NLGN1: variants seen among roughly 807,000 people sequenced by gnomAD.
NLGN1 encodes the protein neuroligin-1.
Under a neutral mutation model 65.5 loss-of-function variants are expected in NLGN1, and 12 were observed. That is an observed-to-expected ratio of 0.18 (90% confidence interval 0.12 to 0.30). The LOEUF is 0.30. NLGN1 is among the 10% of genes least tolerant of loss of function. The pLI is 1.00. For synonymous variants in NLGN1, 350 were observed against 359.5 expected (o/e 0.97, Z 0.30); for missense variants, 750 against 1,007.1 (o/e 0.74, Z 3.46).
At chr3:174,271,370 TA>T (rs1327695794) in intron 4 of NLGN1, among the ~76,000 whole-genome samples, 2 of 151,720 alleles carry the variant, frequency 1.3e-5, no homozygotes, top group Admixed American at 1.3e-4. Flanking sequence ...GACCTAAGTA[TA>T]AATTGAGTCA....
chr3:174,115,320 T>G lies in NLGN1; in HGVS notation c.647-159995T>G, dbSNP rs192640920. 1.1e-3 allele frequency among the ~76,000 whole-genome samples: 163 copies of G among 152,272 alleles called. 1 individual carries two copies. The highest frequency in any genetic ancestry group is 3.0e-3 in the Admixed American group (46 of 15,294). On this transcript the variant is annotated intron_variant, in intron 4 of 6. Coordinates refer to ENST00000457714, the Ensembl canonical transcript of NLGN1. The stretch of plus-strand genomic sequence containing the variant: ...ACAGGGCTTAGTTACGCATAATGAC[T>G]GATACTTAAGCACAATATATAATAG...
At chr3:173,662,165 A>G (rs1340791435) in intron 3 of NLGN1, among the ~76,000 whole-genome samples, 3 of 152,032 alleles carry the variant, frequency 2.0e-5, no homozygotes, top group Non-Finnish European at 4.4e-5. Context: ...GCTCACAAGC[A>G]TTGATGACAA....
chr3:174,177,398 A>G (rs1729648585), intron 4 of NLGN1, among the ~76,000 whole-genome samples: 1 of 152,062 alleles, frequency 6.6e-6, no homozygotes, highest in African/African-American at 2.4e-5. Flanking sequence ...TAAATGTTTA[A>G]TGTTAATTAA....
At chr3:173,656,012 T>C (rs1004254082) in intron 3 of NLGN1, among the ~76,000 whole-genome samples, 1 of 152,144 alleles carries the variant, frequency 6.6e-6, no homozygotes, top group Non-Finnish European at 1.5e-5. Flanking sequence ...AAGAATTTTT[T>C]GGGGGTTTAA....
At chr3:174,023,936 T>C (rs867773155) in intron 4 of NLGN1, among the ~76,000 whole-genome samples, 2 of 152,004 alleles carry the variant, frequency 1.3e-5, no homozygotes, top group African/African-American at 4.8e-5. Flanking sequence ...TCAGTGCATC[T>C]CCCTACTCCT....
At chr3:174,002,852 T>C (rs183440324) in intron 4 of NLGN1, among the ~76,000 whole-genome samples, 13 of 152,378 alleles carry the variant, frequency 8.5e-5, no homozygotes, top group Admixed American at 8.5e-4. Flanking sequence ...CTGCAAGCTA[T>C]TCATTGCAAG....
intron 4 of NLGN1, among the ~76,000 whole-genome samples, chr3:173,993,654 T>TA (rs1553909718): frequency 8.8e-5 from 13 of 147,282 alleles, no homozygotes; most frequent in Non-Finnish European, 1.8e-4. Context: ...GCTAGATAGA[T>TA]GATAGATAGA....
intron 4 of NLGN1, among the ~76,000 whole-genome samples, chr3:174,041,594 C>G (rs1732323354): frequency 6.6e-6 from 1 of 152,126 alleles, no homozygotes; most frequent in Non-Finnish European, 1.5e-5. Context: ...ACTCCACATC[C>G]TTACCAAAAT....
chr3:173,915,574 A>G (rs898628241), intron 4 of NLGN1, among the ~76,000 whole-genome samples: 32 of 152,372 alleles, frequency 2.1e-4, no homozygotes, highest in African/African-American at 7.7e-4. Flanking sequence ...GGTAACTTCT[A>G]GAATCATTCT....
At chr3:174,110,574 T>C (rs1301296447) in intron 4 of NLGN1, among the ~76,000 whole-genome samples, 1 of 151,984 alleles carries the variant, frequency 6.6e-6, no homozygotes, top group African/African-American at 2.4e-5. Flanking sequence ...TTAACTATTA[T>C]GACACTAACT....
chr3:174,048,189 G>T (rs1292051991), intron 4 of NLGN1, among the ~76,000 whole-genome samples: 2 of 152,064 alleles, frequency 1.3e-5, no homozygotes, highest in Admixed American at 6.6e-5. Flanking sequence ...GATTTCATGG[G>T]ATTATTTTGA....
intron 4 of NLGN1, among the ~76,000 whole-genome samples, chr3:173,967,880 C>A (rs546688547): frequency 3.3e-4 from 50 of 152,204 alleles, no homozygotes; most frequent in African/African-American, 1.2e-3. Context: ...AAGCTTAGCC[C>A]TAGCATGAAG....
chr3:173,493,061 A>G (rs1481997857), intron 2 of NLGN1, among the ~76,000 whole-genome samples: 1 of 151,842 alleles, frequency 6.6e-6, no homozygotes, highest in Non-Finnish European at 1.5e-5. Context: ...GCACTTATTG[A>G]ATTCACATTA....
intron 2 of NLGN1, among the ~76,000 whole-genome samples, chr3:173,538,038 A>G (rs1234603301): frequency 2.0e-5 from 3 of 152,178 alleles, no homozygotes; most frequent in Non-Finnish European, 4.4e-5. Context: ...CTTTCCCTGA[A>G]ACTAAGACTT....
chr3:174,210,983 CGGTG>C (rs1736354531), intron 4 of NLGN1, among the ~76,000 whole-genome samples: 1 of 152,140 alleles, frequency 6.6e-6, no homozygotes, highest in Non-Finnish European at 1.5e-5. Flanking sequence ...CGGACCCTCG[CGGTG>C]AGTGTTACAG....
chr3:173,590,033 G>A (rs41378950), intron 2 of NLGN1, among the ~76,000 whole-genome samples: 1,593 of 152,160 alleles, frequency 0.01, 38 homozygotes, highest in African/African-American at 0.037. Context: ...TTTTTTCCAT[G>A]TGACAACCAC....
chr3:173,650,328 A>G (rs1758960498), intron 3 of NLGN1, among the ~76,000 whole-genome samples: 3 of 152,200 alleles, frequency 2.0e-5, no homozygotes, highest in African/African-American at 7.2e-5. Context: ...GCATAGATAT[A>G]GATAAATATG....
In NLGN1 at chr3:173,862,562, A is replaced by C. The variant is rs547108295; in HGVS notation, c.646+54730A>C. The stretch of plus-strand genomic sequence containing the variant: ...GAAAACATAATACATATAATTATGT[A>C]TATTATAGATTCCAAATATGTAAAA... On this transcript the variant is annotated intron_variant, in intron 4 of 6. Transcript: ENST00000457714. Among the ~76,000 whole-genome samples, 3 of 150,742 alleles carry C rather than the reference A, an allele frequency of 2.0e-5. No homozygotes were observed. The South Asian group carries it at 6.3e-4, about 31-fold the overall frequency.
At chr3:173,623,814 G>A (rs145196937) in intron 3 of NLGN1, among the ~76,000 whole-genome samples, 30 of 152,208 alleles carry the variant, frequency 2.0e-4, no homozygotes, top group African/African-American at 7.0e-4. Flanking sequence ...AAGAGACTGG[G>A]TCTTGTGAAA....
Sources: allele counts gnomAD v4.1 joint callset (sites outside exome capture counted in the v4.1 genomes callset), GRCh38; gene constraint gnomAD v4.1.1; transcripts MANE v1.5; gene names NCBI Gene and HGNC (gene_info 2026-07-23, HGNC 2026-07-21).